SMAP1: variants seen among roughly 807,000 people sequenced by gnomAD.
The protein encoded by SMAP1 is small ArfGAP 1.
Under a neutral mutation model 58.5 loss-of-function variants are expected in SMAP1, and 24 were observed. The observed-to-expected ratio is 0.41, with a 90% confidence interval of 0.30 to 0.58. The LOEUF (loss-of-function observed/expected upper bound fraction) is 0.58, where lower values mean the gene tolerates loss of function less well. Ranked by LOEUF, SMAP1 falls within the 20% of genes least tolerant of loss-of-function variation. The pLI is 0.29. For missense variants in SMAP1, 563 were observed against 566.3 expected, an observed-to-expected ratio of 0.99 and a Z score of 0.06; for synonymous variants, 216 against 196.6, an observed-to-expected ratio of 1.10 and a Z score of -0.82.
intron 1 of SMAP1, among the ~76,000 whole-genome samples, chr6:70,723,569 A>G (rs1457220753): frequency 6.6e-6 from 1 of 151,894 alleles, no homozygotes; most frequent in Non-Finnish European, 1.5e-5. Context: ...CTCCCTATCC[A>G]TTTTCTCCAT....
chr6:70,792,018 T>G (rs1041631629), intron 5 of SMAP1, among the ~76,000 whole-genome samples: 1 of 152,160 alleles, frequency 6.6e-6, no homozygotes, highest in Non-Finnish European at 1.5e-5. Flanking sequence ...AAGCAGTTAG[T>G]TTTTTGTTGT....
chr6:70,858,268 C>T (rs1300154397), intron 10 of SMAP1, 39 bp downstream of exon 10: 10 of 702,478 alleles, frequency 1.4e-5, no homozygotes, highest in Non-Finnish European at 2.3e-5. Flanking sequence ...CCAAATCAAA[C>T]CAGATTTATT....
chr6:70,705,087 T>A (rs1767781872), intron 1 of SMAP1, among the ~76,000 whole-genome samples: 1 of 152,156 alleles, frequency 6.6e-6, no homozygotes, highest in African/African-American at 2.4e-5. Flanking sequence ...TTAACCACAT[T>A]TTTGATGACA....
At chr6:70,738,412 G>T (rs1436011728) in intron 2 of SMAP1, among the ~76,000 whole-genome samples, 1 of 149,784 alleles carries the variant, frequency 6.7e-6, no homozygotes, top group Non-Finnish European at 1.5e-5. Flanking sequence ...TCTGAATCTG[G>T]AAGGAATGTT....
At chr6:70,804,129 C>T (rs1385424239) in intron 6 of SMAP1, among the ~76,000 whole-genome samples, 1 of 152,080 alleles carries the variant, frequency 6.6e-6, no homozygotes. Context: ...GCCTAAGTCT[C>T]TTTGTAGGTC....
intron 10 of SMAP1, chr6:70,859,899 A>G: frequency 4.1e-6 from 1 of 242,316 alleles, no homozygotes; most frequent in Non-Finnish European, 7.9e-6. Context: ...TTAAAGCACA[A>G]TATCCTAGTG....
At chr6:70,780,228 C>T (rs1324193242) in intron 4 of SMAP1, among the ~76,000 whole-genome samples, 1 of 152,146 alleles carries the variant, frequency 6.6e-6, no homozygotes, top group Admixed American at 6.5e-5. Context: ...GTCTACCTCC[C>T]TTGTTCTGCC....
chr6:70,737,129 G>T (rs1765648240), intron 2 of SMAP1, among the ~76,000 whole-genome samples: 1 of 152,098 alleles, frequency 6.6e-6, no homozygotes, highest in Admixed American at 6.5e-5. Flanking sequence ...TATTGTCCTT[G>T]TTGGAAATGT....
chr6:70,831,638 G>A lies in SMAP1; in HGVS notation c.577-5303G>A, dbSNP rs566578419. Among the ~76,000 whole-genome samples the A allele has an allele frequency of 2.2e-4, 33 of 152,252 alleles. No homozygotes were observed. The South Asian group carries it at 5.0e-3, about 23-fold the overall frequency. On this transcript the variant is annotated intron_variant, in intron 6 of 10. Transcript: ENST00000370455. Reference sequence around the variant, plus strand: ...GCTGTATAGTATTCCTTGTGTATATGTACCACATTTTCTTTATCCAGACTA... The same window carrying A: ...GCTGTATAGTATTCCTTGTGTATATATACCACATTTTCTTTATCCAGACTA...
chr6:70,857,700 CTTAATTAAA>C (rs1771490193), intron 9 of SMAP1: 3 of 548,540 alleles, frequency 5.5e-6, no homozygotes, highest in Non-Finnish European at 9.7e-6. Flanking sequence ...ATTTACATTT[CTTAATTAAA>C]TTTACTCAGG....
At position 70,838,998 on chromosome 6, in the gene SMAP1, A is replaced by G. The variant is rs760799905; in HGVS notation, c.664+1970A>G. Among the ~76,000 whole-genome samples the G allele has an allele frequency of 3.3e-4, 50 of 152,270 alleles. 1 individual carries two copies. Among genetic ancestry groups the G allele is most frequent in the Admixed American group, 9.8e-4 (15 of 15,286 alleles). The stretch of plus-strand genomic sequence containing the variant: ...AAATCTGATACTTTCAGGACAAGGA[A>G]AAATTGCTCTAGCAGTGTCCTTGAA... On this transcript the variant is annotated intron_variant, in intron 7 of 10. Coordinates refer to ENST00000370455, the MANE Select transcript of SMAP1 (RefSeq NM_001044305.3).
chr6:70,706,267 A>C (rs1767833837), intron 1 of SMAP1, among the ~76,000 whole-genome samples: 1 of 152,160 alleles, frequency 6.6e-6, no homozygotes. Context: ...ATGATACAAG[A>C]GAAACAACAA....
intron 6 of SMAP1, among the ~76,000 whole-genome samples, chr6:70,802,339 A>AT (rs1467991186): frequency 1.3e-5 from 2 of 152,040 alleles, no homozygotes; most frequent in African/African-American, 4.8e-5. Flanking sequence ...AATGCTTGTG[A>AT]TTTTTACACA....
intron 3 of SMAP1, among the ~76,000 whole-genome samples, chr6:70,760,326 G>T (rs917650619): frequency 3.3e-5 from 5 of 151,744 alleles, no homozygotes; most frequent in African/African-American, 1.2e-4. Context: ...ACAAATTATG[G>T]TCATATTTAT....
chr6:70,674,907 G>A (rs931523241), intron 1 of SMAP1, among the ~76,000 whole-genome samples: 1 of 152,116 alleles, frequency 6.6e-6, no homozygotes, highest in African/African-American at 2.4e-5. Flanking sequence ...CCCTGGAGGC[G>A]GAGGTTGCAG....
intron 7 of SMAP1, among the ~76,000 whole-genome samples, chr6:70,839,045 T>C (rs550224097): frequency 4.3e-4 from 65 of 152,282 alleles, no homozygotes; most frequent in African/African-American, 1.4e-3. Context: ...GGATGGGATC[T>C]AGTTGACAAA....
chr6:70,828,963 C>T (rs1265885205), intron 6 of SMAP1, among the ~76,000 whole-genome samples: 4 of 152,152 alleles, frequency 2.6e-5, no homozygotes, highest in South Asian at 2.1e-4. Context: ...GAAGGATCAC[C>T]TGAGCCCAGG....
intron 6 of SMAP1, among the ~76,000 whole-genome samples, chr6:70,826,808 C>T (rs544267667): frequency 6.6e-6 from 1 of 151,604 alleles, no homozygotes; most frequent in Non-Finnish European, 1.5e-5. Flanking sequence ...TGCACGCCTA[C>T]AGTCCCAGCT....
intron 1 of SMAP1, among the ~76,000 whole-genome samples, chr6:70,679,033 T>G (rs76811721): frequency 1.3e-5 from 2 of 151,810 alleles, no homozygotes; most frequent in Non-Finnish European, 2.9e-5. Flanking sequence ...TTTTTTTTTT[T>G]GTTTTTTTGA....
Sources: allele counts gnomAD v4.1 joint callset (sites outside exome capture counted in the v4.1 genomes callset), GRCh38; gene constraint gnomAD v4.1.1; transcripts MANE v1.5; gene names NCBI Gene and HGNC (gene_info 2026-07-23, HGNC 2026-07-21).